HNRNPLL: variants seen among roughly 807,000 people sequenced by gnomAD.
HNRNPLL encodes the protein heterogeneous nuclear ribonucleoprotein L-like.
A neutral mutation model predicts 67.1 loss-of-function variants in HNRNPLL; 25 were observed. The ratio of observed to expected loss-of-function variants is 0.37; its 90% CI spans 0.27 to 0.52. The LOEUF is 0.52. HNRNPLL is among the 20% of genes least tolerant of loss of function. HNRNPLL has a pLI of 0.90. For missense variants in HNRNPLL, 542 were observed against 673.9 expected, an observed-to-expected ratio of 0.80 and a Z score of 2.17; for synonymous variants, 267 against 241.7, an observed-to-expected ratio of 1.10 and a Z score of -0.97.
At chr2:38,577,828 C>T (rs1666357752) in intron 6 of HNRNPLL, 1 of 453,648 alleles carries the variant, frequency 2.2e-6, no homozygotes, top group Non-Finnish European at 4.4e-6. Context: ...AGTGAATGTA[C>T]ACAATGCTAG....
At chr2:38,584,434 A>G (rs575640923) in intron 3 of HNRNPLL, among the ~76,000 whole-genome samples, 15 of 152,350 alleles carry the variant, frequency 9.8e-5, no homozygotes, top group African/African-American at 2.2e-4. Context: ...AGAAGTTCCA[A>G]TGGAACATTT....
chr2:38,589,449 C>T (rs1288543881), intron 2 of HNRNPLL, among the ~76,000 whole-genome samples: 2 of 152,166 alleles, frequency 1.3e-5, no homozygotes, highest in Admixed American at 6.5e-5. Flanking sequence ...TAGCAGCCAC[C>T]TCTCATGCAA....
At chr2:38,597,145 T>G (rs144320927) in intron 1 of HNRNPLL, among the ~76,000 whole-genome samples, 1 of 152,236 alleles carries the variant, frequency 6.6e-6, no homozygotes, top group South Asian at 2.1e-4. Flanking sequence ...AAAAGCTCAG[T>G]ACAGTATAAA....
intron 8 of HNRNPLL, 124 bp from the exon 9 acceptor site, chr2:38,570,049 T>C (rs1023942725): frequency 2.4e-5 from 16 of 666,316 alleles, no homozygotes; most frequent in Non-Finnish European, 3.4e-5. Context: ...ATTTTAACTA[T>C]ACTCTGCCAT....
chr2:38,580,930 A>C (rs1175456376), intron 6 of HNRNPLL: 2 of 152,232 alleles, frequency 1.3e-5, no homozygotes, highest in South Asian at 2.1e-4. Flanking sequence ...GACAACTTAT[A>C]AACAGCCACT....
intron 1 of HNRNPLL, chr2:38,602,186 C>T (rs1667467661): frequency 4.2e-6 from 2 of 479,454 alleles, no homozygotes; most frequent in Non-Finnish European, 7.3e-6. Flanking sequence ...CGCGCCGCGA[C>T]CCTCCCCAAG....
At chr2:38,570,859 T>C (rs942181278) in intron 8 of HNRNPLL, among the ~76,000 whole-genome samples, 2 of 150,840 alleles carry the variant, frequency 1.3e-5, no homozygotes, top group African/African-American at 4.9e-5. Context: ...CTGGGCAACA[T>C]AGCTGAGACC....
intron 4 of HNRNPLL, 103 bp downstream of exon 4, chr2:38,583,738 G>C (rs541423935): frequency 5.9e-6 from 3 of 505,846 alleles, no homozygotes; most frequent in Non-Finnish European, 3.5e-6. Flanking sequence ...GTAGATTTTT[G>C]TGAGAGGACA....
chr2:38,584,185 C>A (rs115921463), intron 3 of HNRNPLL, among the ~76,000 whole-genome samples: 1 of 152,156 alleles, frequency 6.6e-6, no homozygotes, highest in Non-Finnish European at 1.5e-5. Context: ...CTCAGCCTCC[C>A]GAGTAGCTGA....
At chr2:38,589,371 G>T (rs1666871779) in intron 2 of HNRNPLL, among the ~76,000 whole-genome samples, 3 of 152,142 alleles carry the variant, frequency 2.0e-5, no homozygotes, top group Non-Finnish European at 4.4e-5. Flanking sequence ...TAAAGGGAAA[G>T]TTTCCAAATT....
intron 1 of HNRNPLL, among the ~76,000 whole-genome samples, chr2:38,596,772 G>A (rs1667209289): frequency 6.6e-6 from 1 of 151,930 alleles, no homozygotes; most frequent in Admixed American, 6.6e-5. Context: ...TAGTTACCTA[G>A]GCTCTCTCTT....
intron 1 of HNRNPLL, 147 bp from the exon 2 acceptor site, chr2:38,591,795 G>A: frequency 2.0e-6 from 1 of 497,222 alleles, no homozygotes; most frequent in Non-Finnish European, 3.7e-6. Flanking sequence ...GGCCAACATG[G>A]TGAAACCCCA....
Position 38,562,374 on chromosome 2 carries a change from T to C in HNRNPLL, c.*1808A>G, listed in dbSNP as rs937995704. On this transcript the variant is annotated 3_prime_UTR_variant, in exon 13 of 13. Coordinates refer to ENST00000449105, the MANE Select transcript of HNRNPLL (RefSeq NM_138394.4). ...AATCATTTCTACACATCTAAACTAA[T>C]TAAAATCTAAATGAAATAAGTCCTG... 6.6e-6 allele frequency: 1 copy of C among 152,118 alleles called. No homozygotes were observed. The highest frequency in any genetic ancestry group is 2.4e-5 in the African/African-American group (1 of 41,434). 9.4% of individuals were successfully genotyped at this position (152,118 alleles called of 1,614,324 possible).
At chr2:38,594,505 T>G (rs1012296342) in intron 1 of HNRNPLL, among the ~76,000 whole-genome samples, 2 of 152,130 alleles carry the variant, frequency 1.3e-5, no homozygotes, top group East Asian at 3.9e-4. Context: ...GATATGCAGA[T>G]GTAGAGAAAA....
intron 2 of HNRNPLL, among the ~76,000 whole-genome samples, chr2:38,587,372 A>C (rs1257424463): frequency 6.6e-6 from 1 of 151,614 alleles, no homozygotes; most frequent in Non-Finnish European, 1.5e-5. Context: ...ATTATTATTT[A>C]ACGTATCTTG....
At chr2:38,580,421 C>A (rs1156539444) in intron 6 of HNRNPLL, among the ~76,000 whole-genome samples, 2 of 152,166 alleles carry the variant, frequency 1.3e-5, no homozygotes. Flanking sequence ...TTAAAGGAGC[C>A]AATCATCTAA....
At chr2:38,600,099 T>C (rs1319613495) in intron 1 of HNRNPLL, 1 of 211,950 alleles carries the variant, frequency 4.7e-6, no homozygotes, top group Non-Finnish European at 1.0e-5. Flanking sequence ...GTTGCCATGA[T>C]TTCAAAATAG....
At chr2:38,600,872 C>A (rs1667405242) in intron 1 of HNRNPLL, among the ~76,000 whole-genome samples, 1 of 152,140 alleles carries the variant, frequency 6.6e-6, no homozygotes, top group Non-Finnish European at 1.5e-5. Flanking sequence ...TATTTTCTTC[C>A]CAACATCCAA....
Position 38,573,416 on chromosome 2 carries a change from G to A in HNRNPLL, c.886C>T (p.Pro296Ser). The part of the protein sequence containing the change: ...FRHDGYGSHG[P>S]LLPLPSRYRM... ...TAACGACTTGGTAAAGGCAATAATG[G>A]ACCATGGGATCCTATAAAAATGATC... is the stretch of plus-strand genomic sequence containing the variant. The change falls in exon 8 of 13, where the codon CCA (proline) becomes TCA (serine). Residue 296 changes from proline (P) to serine (S), a missense_variant. Around this residue, in one of 2 missense-constraint regions of HNRNPLL, gnomAD observed 415 missense variants for 575.2 expected, o/e 0.72. Transcript: ENST00000449105. 6.2e-7 allele frequency: 1 copy of A among 1,603,954 alleles called. No homozygotes were observed. The highest frequency in any genetic ancestry group is 8.5e-7 in the Non-Finnish European group (1 of 1,173,258).
Sources: gnomAD v4.1 joint callset for allele counts (sites outside exome capture counted in the v4.1 genomes callset) on GRCh38, gnomAD v4.1.1 for gene constraint, gnomAD v4.1.1 regional missense constraint, MANE v1.5 for transcripts, NCBI Gene and HGNC (gene_info 2026-07-23, HGNC 2026-07-21) for gene names.